The following EBF1 variants were observed in gnomAD, a reference collection of about 807,000 sequenced individuals.
The protein encoded by EBF1 is EBF transcription factor 1.
A neutral mutation model predicts 68.4 loss-of-function variants in EBF1; 10 were observed. The observed-to-expected ratio is 0.15, with a 90% CI of 0.09 to 0.25. EBF1 has a LOEUF of 0.25. Ranked by LOEUF, EBF1 falls within the 10% of genes least tolerant of loss-of-function variation. The pLI, the probability that EBF1 is intolerant of heterozygous loss-of-function variation, is 1.00. For synonymous variants in EBF1, 298 were observed against 299.8 expected, an observed-to-expected ratio of 0.99 and a Z score of 0.06; for missense variants, 509 against 794.4, an observed-to-expected ratio of 0.64 and a Z score of 4.32.
chr5:158,908,490 G>C (rs1341568617), intron 6 of EBF1, among the ~76,000 whole-genome samples: 1 of 152,126 alleles, frequency 6.6e-6, no homozygotes, highest in African/African-American at 2.4e-5. Context: ...TTGCAAGCAA[G>C]GCTCCCATTA....
intron 6 of EBF1, among the ~76,000 whole-genome samples, chr5:158,854,467 G>T (rs1011326440): frequency 6.6e-6 from 1 of 152,204 alleles, no homozygotes; most frequent in African/African-American, 2.4e-5. Context: ...AAAGCATCTG[G>T]TCCCAGAAGC....
chr5:159,050,986 C>T (rs1259584517), intron 6 of EBF1, among the ~76,000 whole-genome samples: 4 of 152,140 alleles, frequency 2.6e-5, no homozygotes, highest in Non-Finnish European at 5.9e-5. Context: ...GAACACCAGG[C>T]CCCAGGGTTT....
intron 6 of EBF1, among the ~76,000 whole-genome samples, chr5:159,000,243 A>G (rs1203080138): frequency 6.6e-6 from 1 of 152,178 alleles, no homozygotes; most frequent in African/African-American, 2.4e-5. Context: ...AAGTAATAAA[A>G]CTACTAATTT....
At chr5:158,909,926 C>A (rs552576697) in intron 6 of EBF1, among the ~76,000 whole-genome samples, 2 of 126,582 alleles carry the variant, frequency 1.6e-5, no homozygotes, top group East Asian at 5.2e-4. Context: ...CACTGCACTC[C>A]AGCCTGGTGA....
chr5:158,885,714 A>C (rs191388337), intron 6 of EBF1, among the ~76,000 whole-genome samples: 1 of 152,328 alleles, frequency 6.6e-6, no homozygotes, highest in Non-Finnish European at 1.5e-5. Context: ...AACAAGGTCC[A>C]CAATGTCTGG....
At chr5:158,985,034 G>A (rs529759432) in intron 6 of EBF1, among the ~76,000 whole-genome samples, 11 of 152,128 alleles carry the variant, frequency 7.2e-5, no homozygotes, top group African/African-American at 2.6e-4. Flanking sequence ...TCCCATCTAC[G>A]GCAGGTGAGG....
chr5:159,059,100 G>A lies in EBF1; in HGVS notation c.554+14296C>T, dbSNP rs116470971. ...GGCAACTGTAGCCCAACGGGTGTCC[G>A]TAGATACAAACCAAAGCTGGCTAAA... is the stretch of plus-strand genomic sequence containing the variant. On this transcript the variant is annotated intron_variant, in intron 6 of 15. Transcript: ENST00000313708. Among the ~76,000 whole-genome samples the A allele has an allele frequency of 2.2e-3, 338 of 152,256 alleles. 3 individuals carry two copies. Among genetic ancestry groups the A allele is most frequent in the African/African-American group, 7.8e-3 (324 of 41,536 alleles).
At chr5:158,954,873 T>G (rs1816745175) in intron 6 of EBF1, among the ~76,000 whole-genome samples, 1 of 152,240 alleles carries the variant, frequency 6.6e-6, no homozygotes, top group Admixed American at 6.5e-5. Context: ...ACCATTTTTC[T>G]CTAGGACTTA....
At chr5:159,032,222 A>G (rs905107026) in intron 6 of EBF1, among the ~76,000 whole-genome samples, 4 of 152,226 alleles carry the variant, frequency 2.6e-5, no homozygotes, top group Middle Eastern at 3.2e-3. Flanking sequence ...CCTGATTCCT[A>G]AATCCTCAGT....
At chr5:159,084,451 C>A (rs569298809) in intron 5 of EBF1, among the ~76,000 whole-genome samples, 1 of 151,984 alleles carries the variant, frequency 6.6e-6, no homozygotes, top group Admixed American at 6.6e-5. Context: ...AAATGTATGT[C>A]TTTCGGGATG....
intron 6 of EBF1, among the ~76,000 whole-genome samples, chr5:158,926,872 G>A (rs2127425323): frequency 6.6e-6 from 1 of 152,222 alleles, no homozygotes; most frequent in South Asian, 2.1e-4. Context: ...CTTTAGTAAT[G>A]TATTAATTGC....
rs1382920500 is a variant in EBF1, at chr5:158,929,733, A to G, written c.555-89623T>C. ...AAAAAGCCCCTCCCCTTTTTAAATG[A>G]TCAATAAGTGCAAAAGATTATTATA... On this transcript the variant is annotated intron_variant, in intron 6 of 15. Transcript: ENST00000313708. 9.9e-5 allele frequency among the ~76,000 whole-genome samples: 15 copies of G among 152,244 alleles called. 1 individual carries two copies. Among genetic ancestry groups the G allele is most frequent in the Admixed American group, 9.8e-4 (15 of 15,278 alleles).
intron 6 of EBF1, among the ~76,000 whole-genome samples, chr5:158,926,727 CAAAAAAAAAAAA>C (rs1156550821): frequency 1.4e-5 from 1 of 71,894 alleles, no homozygotes; most frequent in Non-Finnish European, 2.9e-5. Flanking sequence ...GACTACATTT[CAAAAAAAAAAAA>C]AAGAAAAGAA....
At position 158,803,354 on chromosome 5, in the gene EBF1, G is replaced by GT. The variant is rs34836103; in HGVS notation, c.779-6880dup. 9.5e-4 allele frequency among the ~76,000 whole-genome samples: 127 copies of GT among 134,020 alleles called. No homozygotes were observed. The Middle Eastern group carries it at 0.015, about 15-fold the overall frequency. 87.9% of individuals were successfully genotyped at this position (134,020 alleles called of 152,430 possible). On this transcript the variant is annotated intron_variant, in intron 8 of 15. Transcript: ENST00000313708. The stretch of plus-strand genomic sequence containing the variant: ...GATCTGAATGCTTGTTTTTGCTGGT[G>GT]TTTTTTTTTTTTTTTTTTCAGTGAA...
rs1256190185 is a variant in EBF1 at position 158,845,912 on chromosome 5, C to A, written c.555-5802G>T. On this transcript the variant is annotated intron_variant, in intron 6 of 15. Transcript: ENST00000313708. ...TCATTAATTATTATGTAAAGCATTG[C>A]AATCAATCTGGGCTGAGCAGGTTGA... 2.0e-5 allele frequency among the ~76,000 whole-genome samples: 3 copies of A among 152,148 alleles called. No homozygotes were observed. In the East Asian group the frequency reaches 5.8e-4, roughly 29 times the overall value.
At chr5:158,785,464 G>C (rs1197454658) in intron 9 of EBF1, among the ~76,000 whole-genome samples, 1 of 152,040 alleles carries the variant, frequency 6.6e-6, no homozygotes, top group Non-Finnish European at 1.5e-5. Context: ...TGAGTTCCTT[G>C]GTGTGTTTTG....
chr5:159,009,141 C>A (rs1249748098), intron 6 of EBF1, among the ~76,000 whole-genome samples: 1 of 152,036 alleles, frequency 6.6e-6, no homozygotes, highest in Non-Finnish European at 1.5e-5. Flanking sequence ...AGGAGAAAAC[C>A]CCCCAGAAAA....
chr5:158,758,911 A>G (rs1391845330), intron 10 of EBF1, among the ~76,000 whole-genome samples: 1 of 152,176 alleles, frequency 6.6e-6, no homozygotes, highest in East Asian at 1.9e-4. Flanking sequence ...TCCCATATTT[A>G]TCACCACATT....
At chr5:158,953,984 A>G (rs1816555012) in intron 6 of EBF1, among the ~76,000 whole-genome samples, 1 of 152,228 alleles carries the variant, frequency 6.6e-6, no homozygotes, top group South Asian at 2.1e-4. Flanking sequence ...TCTGCCTTTC[A>G]CATTTATATG....
Sources: allele counts gnomAD v4.1 joint callset (sites outside exome capture counted in the v4.1 genomes callset), GRCh38; gene constraint gnomAD v4.1.1; transcripts MANE v1.5; gene names NCBI Gene and HGNC (gene_info 2026-07-23, HGNC 2026-07-21).